Variants in FAM221A observed in about 807,000 individuals in gnomAD.
The protein encoded by FAM221A is family with sequence similarity 221 member A, also known as protein FAM221A.
FAM221A carries 43 observed loss-of-function variants against 37.6 expected under a neutral mutation model. That is an observed-to-expected ratio of 1.15 (90% CI 0.90 to 1.48). The LOEUF (loss-of-function observed/expected upper bound fraction) is 1.48. Among genes scored for constraint, FAM221A ranks in the 40% most tolerant of loss-of-function variants. The pLI is 0.00. For missense variants in FAM221A, 361 were observed against 361.5 expected (o/e 1.00, Z 0.01); for synonymous variants, 135 against 132.9 (o/e 1.02, Z -0.11).
intron 4 of FAM221A, among the ~76,000 whole-genome samples, chr7:23,691,907 A>G (rs904935359): frequency 2.0e-5 from 3 of 152,124 alleles, no homozygotes; most frequent in Non-Finnish European, 2.9e-5. Context: ...CTGCATCTCC[A>G]CTGTTTGTAA....
Position 23,680,238 on chromosome 7 carries a change from C to G in FAM221A, c.20C>G (p.Pro7Arg). ...CCGGCAATGGAGCGGTTGACGTTGC[C>G]TCTCGGCGGCGCGGCGGCGGTGGAC... MERLTLPLGGAAAVDEY... is the reference protein window; with the variant it reads MERLTLRLGGAAAVDEY... The change falls in exon 1 of 7, where the codon CCT becomes CGT. Residue 7 changes from proline (P) to arginine (R), a missense_variant. Coordinates refer to ENST00000344962, the MANE Select transcript of FAM221A (RefSeq NM_199136.5). The G allele has an allele frequency of 6.5e-7, 1 of 1,549,618 alleles. No individual in the cohort carries two copies. The highest frequency in any genetic ancestry group is 8.7e-7 in the Non-Finnish European group (1 of 1,146,136).
chr7:23,693,876 C>G (rs1584275075), intron 4 of FAM221A: 1 of 152,146 alleles, frequency 6.6e-6, no homozygotes, highest in Admixed American at 6.6e-5. Context: ...GCAGAACATG[C>G]AGGTTTGTTA....
chr7:23,700,485 T>TATAAA (rs1229833168), intron 5 of FAM221A, among the ~76,000 whole-genome samples: 2 of 152,246 alleles, frequency 1.3e-5, no homozygotes, highest in African/African-American at 4.8e-5. Context: ...GATTTCTAGT[T>TATAAA]ATAAAATGTA....
intron 1 of FAM221A, among the ~76,000 whole-genome samples, 174 bp from the exon 2 acceptor site, chr7:23,684,325 C>CTTAG (rs1371090405): frequency 8.7e-6 from 1 of 115,486 alleles, no homozygotes; most frequent in African/African-American, 3.2e-5. Context: ...AACTTAACCA[C>CTTAG]TCAGTCAGTG....
rs555303257 is a variant in FAM221A at position 23,700,010 on chromosome 7, A to T, written c.746-776A>T. On this transcript the variant is annotated intron_variant, in intron 5 of 6. Coordinates refer to ENST00000344962, the MANE Select transcript of FAM221A (RefSeq NM_199136.5). ...CCAGAGGAATGGGTGGATAACACTT[A>T]TTCAAATAAGAATCCCTTCTTACTC... 3.9e-5 allele frequency among the ~76,000 whole-genome samples: 6 copies of T among 152,348 alleles called. No individual in the cohort carries two copies. In the South Asian group the frequency reaches 1.2e-3, roughly 32 times the overall value.
Position 23,689,452 on chromosome 7 carries a change from C to A in FAM221A, c.423C>A (p.Cys141Ter). ...DQHSAAPGFT[C>*]NTCSKCSGFH... is the part of the protein sequence containing the mutation. ...ACAGTGCTGCGCCTGGCTTTACATG[C>A]AATACATGTGAGTTATATTATTATA... Residue 141 changes from cysteine (C) to a stop codon, truncating the protein, a stop_gained, in exon 3 of 7, where the codon TGC becomes TGA. Coordinates refer to ENST00000344962, the MANE Select transcript of FAM221A (RefSeq NM_199136.5). LOFTEE classifies it high-confidence loss of function. 1 of 1,555,358 alleles carries A rather than the reference C, an allele frequency of 6.4e-7. No individual in the cohort carries two copies. Among genetic ancestry groups the A allele is most frequent in the Non-Finnish European group, 8.8e-7 (1 of 1,136,362 alleles).
Position 23,689,396 on chromosome 7 carries a change from C to T in FAM221A, c.367C>T (p.Arg123Cys), listed in dbSNP as rs771966204. Residue 123 changes from arginine (R) to cysteine (C), a missense_variant, in exon 3 of 7, where the codon CGC (arginine) becomes TGC (cysteine). By Grantham distance (180) the Arg-to-Cys change is radical (BLOSUM62 -3). Transcript: ENST00000344962. ...CCCCTTGAATGGTAGCCAGCCCATT[C>T]GCTGCAGGTGCAAACACTTTGCTGA... ...YVPLNGSQPIRCRCKHFADQH... is the reference protein window; with the variant it reads ...YVPLNGSQPICCRCKHFADQH... The T allele has an allele frequency of 1.2e-5, 20 of 1,607,498 alleles. No homozygotes were observed. The highest frequency in any genetic ancestry group is 2.2e-5 in the South Asian group (2 of 90,672).
intron 2 of FAM221A, among the ~76,000 whole-genome samples, chr7:23,685,991 A>G (rs945335802): frequency 6.6e-6 from 1 of 152,174 alleles, no homozygotes; most frequent in African/African-American, 2.4e-5. Context: ...TATAGTTGCT[A>G]TTTACAGAGT....
At chr7:23,689,561 T>G in intron 3 of FAM221A, 102 bp downstream of exon 3, 2 of 825,702 alleles carry the variant, frequency 2.4e-6, no homozygotes, top group Non-Finnish European at 1.7e-6. Flanking sequence ...TATTCAGTTG[T>G]ATTAGTTGTA....
chr7:23,696,495 C>A (rs565435666), intron 4 of FAM221A, among the ~76,000 whole-genome samples: 19 of 152,304 alleles, frequency 1.2e-4, no homozygotes, highest in African/African-American at 4.3e-4. Context: ...GCTTTGGATG[C>A]AGAGGTTGCA....
At position 23,686,472 on chromosome 7, in the gene FAM221A, C is replaced by G. The variant is rs1056377203; in HGVS notation, c.239+1800C>G. ...TAGAGAAGTGGTTTGGCTTTGTTACCCAGACTGGTCTGGAACTCCTGGGCT... is the reference window on the plus strand; with the variant it reads ...TAGAGAAGTGGTTTGGCTTTGTTACGCAGACTGGTCTGGAACTCCTGGGCT... On this transcript the variant is annotated intron_variant, in intron 2 of 6. Transcript: ENST00000344962. The G allele has an allele frequency of 9.0e-5, 28 of 312,598 alleles. 1 individual carries two copies. Among genetic ancestry groups the G allele is most frequent in the South Asian group, 7.0e-4 (28 of 39,930 alleles). 19.4% of individuals were successfully genotyped at this position (312,598 alleles called of 1,614,324 possible). A position where few individuals can be genotyped will look rare whatever the true frequency, so the allele number is the denominator to read the frequency against.
chr7:23,695,625 G>A (rs574268739), intron 4 of FAM221A, among the ~76,000 whole-genome samples: 5 of 152,064 alleles, frequency 3.3e-5, no homozygotes, highest in African/African-American at 4.8e-5. Context: ...TGCCCGCCTC[G>A]GCCTCCCAAA....
intron 1 of FAM221A, among the ~76,000 whole-genome samples, chr7:23,681,452 G>A (rs1423338240): frequency 6.6e-6 from 1 of 152,218 alleles, no homozygotes; most frequent in Non-Finnish European, 1.5e-5. Context: ...GACGGGGTCT[G>A]ACTCTTTCCC....
chr7:23,692,102 C>G, intron 4 of FAM221A: 3 of 603,280 alleles, frequency 5.0e-6, no homozygotes, highest in Non-Finnish European at 6.2e-6. Context: ...TGTATGTGCA[C>G]ACACATATAT....
intron 3 of FAM221A, among the ~76,000 whole-genome samples, chr7:23,690,370 A>G (rs1313468147): frequency 6.6e-6 from 1 of 151,106 alleles, no homozygotes; most frequent in Non-Finnish European, 1.5e-5. Context: ...ACGCCCGGCT[A>G]ATTTTTGTAT....
intron 3 of FAM221A, among the ~76,000 whole-genome samples, chr7:23,689,938 A>T (rs536780484): frequency 2.0e-5 from 3 of 151,778 alleles, no homozygotes; most frequent in Middle Eastern, 6.8e-3. Flanking sequence ...CCAAATTCCA[A>T]CCTCTACCCC....
At position 23,684,532 on chromosome 7, in the gene FAM221A, T is replaced by A; in HGVS notation, c.99T>A (p.Phe33Leu). Reference sequence around the variant, plus strand: ...GTGAGGATGATGGAGGGAAACTTTTTACTCCTGAAGAATATGAAGAATACA... The same window carrying A: ...GTGAGGATGATGGAGGGAAACTTTTAACTCCTGAAGAATATGAAGAATACA... The part of the protein sequence containing the change: ...IVGEDDGGKL[F>L]TPEEYEEYKR... Residue 33 changes from phenylalanine to leucine, a missense_variant, in exon 2 of 7, where the codon TTT becomes TTA. By Grantham distance (22) the Phe-to-Leu change is conservative (BLOSUM62 0). Transcript: ENST00000344962. 6.2e-7 allele frequency: 1 copy of A among 1,611,044 alleles called. No homozygotes were observed. Among genetic ancestry groups the A allele is most frequent in the Non-Finnish European group, 8.5e-7 (1 of 1,179,116 alleles).
At chr7:23,700,921 A>C in intron 6 of FAM221A, 53 bp downstream of exon 6, 1 of 1,147,712 alleles carries the variant, frequency 8.7e-7, no homozygotes, top group South Asian at 1.3e-5. Context: ...TAGCAAAAGC[A>C]CTAGAATGAT....
chr7:23,701,292 T>A (rs1785427497), intron 6 of FAM221A, among the ~76,000 whole-genome samples: 1 of 142,680 alleles, frequency 7.0e-6, no homozygotes, highest in African/African-American at 2.6e-5. Context: ...CAGGCTGGAG[T>A]GCAGTGGCGC....
Sources: gnomAD v4.1 joint callset for allele counts (sites outside exome capture counted in the v4.1 genomes callset) on GRCh38, gnomAD v4.1.1 for gene constraint, MANE v1.5 for transcripts, NCBI Gene and HGNC (gene_info 2026-07-23, HGNC 2026-07-21) for gene names.